Variants in SPAG16 observed in about 807,000 individuals in gnomAD.
The protein encoded by SPAG16 is sperm-associated antigen 16 protein.
A neutral mutation model predicts 80.4 loss-of-function variants in SPAG16; 86 were observed. The ratio of observed to expected loss-of-function variants is 1.07; its 90% CI spans 0.90 to 1.28. SPAG16 has a LOEUF of 1.28. SPAG16 is among the 50% of genes most tolerant of loss of function. The pLI is 0.00. For synonymous variants in SPAG16, 294 were observed against 265.9 expected, an observed-to-expected ratio of 1.11 and a Z score of -1.03; for missense variants, 870 against 765.3, an observed-to-expected ratio of 1.14 and a Z score of -1.61.
At chr2:213,612,004 A>G (rs2125020641) in intron 10 of SPAG16, among the ~76,000 whole-genome samples, 1 of 152,348 alleles carries the variant, frequency 6.6e-6, no homozygotes, top group South Asian at 2.1e-4. Context: ...TAATGACATT[A>G]GTAATAAAAG....
chr2:214,002,673 G>A (rs1163189414), intron 12 of SPAG16, among the ~76,000 whole-genome samples: 1 of 152,112 alleles, frequency 6.6e-6, no homozygotes, highest in Non-Finnish European at 1.5e-5. Context: ...TCTAAGTCCT[G>A]GTCCAAGTTC....
chr2:213,827,071 G>A (rs1009553956), intron 10 of SPAG16, among the ~76,000 whole-genome samples: 3 of 151,762 alleles, frequency 2.0e-5, no homozygotes, highest in African/African-American at 7.3e-5. Flanking sequence ...TTCTTCTTAT[G>A]TGTATCTTTA....
rs567805532 is a variant in SPAG16 at position 214,313,403 on chromosome 2, G to A, written c.1721-96737G>A. On this transcript the variant is annotated intron_variant, in intron 15 of 15. Transcript: ENST00000331683. ...TGTGTCAGAGTGCTCCCAAGGATTC[G>A]ATTACTTTTCATTTTATTCTAGAAT... Among the ~76,000 whole-genome samples the A allele has an allele frequency of 4.6e-5, 7 of 151,930 alleles. No individual in the cohort carries two copies. The South Asian group carries it at 1.0e-3, about 22-fold the overall frequency.
intron 10 of SPAG16, among the ~76,000 whole-genome samples, chr2:213,775,201 C>T (rs774551406): frequency 1.3e-5 from 2 of 152,130 alleles, no homozygotes; most frequent in Non-Finnish European, 2.9e-5. Context: ...TAAAAATTTT[C>T]TTTGCATCCT....
intron 9 of SPAG16, among the ~76,000 whole-genome samples, chr2:213,421,863 C>G (rs2069608782): frequency 6.6e-6 from 1 of 152,132 alleles, no homozygotes; most frequent in African/African-American, 2.4e-5. Flanking sequence ...CAGAAAGGAG[C>G]TACCCACTCT....
chr2:213,763,917 C>T (rs901373461), intron 10 of SPAG16, among the ~76,000 whole-genome samples: 3 of 152,270 alleles, frequency 2.0e-5, no homozygotes, highest in Non-Finnish European at 4.4e-5. Context: ...ATGAGAAGGA[C>T]TAATGAGCGA....
intron 9 of SPAG16, among the ~76,000 whole-genome samples, chr2:213,455,746 C>G (rs1353192114): frequency 6.6e-6 from 1 of 152,184 alleles, no homozygotes; most frequent in African/African-American, 2.4e-5. Context: ...GCTAATTTGA[C>G]AGGAGTCAAA....
intron 9 of SPAG16, among the ~76,000 whole-genome samples, chr2:213,406,770 T>C (rs1318033386): frequency 6.6e-6 from 1 of 151,664 alleles, no homozygotes; most frequent in Non-Finnish European, 1.5e-5. Flanking sequence ...CACCAAAACT[T>C]TATATATAAC....
At chr2:214,028,333 C>T (rs1031205149) in intron 13 of SPAG16, among the ~76,000 whole-genome samples, 4 of 152,010 alleles carry the variant, frequency 2.6e-5, no homozygotes, top group African/African-American at 9.7e-5. Context: ...TTCCTAAAAG[C>T]CACAGAACTC....
intron 10 of SPAG16, among the ~76,000 whole-genome samples, chr2:213,518,609 G>T (rs1401662454): frequency 6.6e-6 from 1 of 152,198 alleles, no homozygotes. Flanking sequence ...AGGCTATGGA[G>T]AAAAGGGAGC....
At chr2:214,124,131 A>G (rs1215657344) in intron 14 of SPAG16, among the ~76,000 whole-genome samples, 1 of 152,072 alleles carries the variant, frequency 6.6e-6, no homozygotes, top group African/African-American at 2.4e-5. Context: ...ACATAGGACC[A>G]TGTTTGCTGT....
At chr2:214,062,344 A>T (rs1272317388) in intron 13 of SPAG16, among the ~76,000 whole-genome samples, 1 of 144,752 alleles carries the variant, frequency 6.9e-6, no homozygotes, top group African/African-American at 2.6e-5. Flanking sequence ...TCTTGAACCC[A>T]GTAGGCAGAG....
intron 15 of SPAG16, among the ~76,000 whole-genome samples, chr2:214,236,763 A>T (rs1469259559): frequency 2.0e-5 from 3 of 152,106 alleles, no homozygotes; most frequent in Non-Finnish European, 4.4e-5. Flanking sequence ...TTAGATCATG[A>T]GGTTTTTAGG....
chr2:214,074,409 A>G (rs2050961819), intron 13 of SPAG16, among the ~76,000 whole-genome samples: 2 of 152,244 alleles, frequency 1.3e-5, no homozygotes, highest in Non-Finnish European at 2.9e-5. Context: ...AATTAATCCT[A>G]GATAAACTAT....
intron 15 of SPAG16, among the ~76,000 whole-genome samples, chr2:214,368,238 C>T (rs954297769): frequency 6.6e-5 from 10 of 152,064 alleles, no homozygotes; most frequent in Admixed American, 5.2e-4. Flanking sequence ...TTCAGATATC[C>T]CATGTTCTTC....
chr2:213,842,225 C>A (rs2074397013), intron 10 of SPAG16, among the ~76,000 whole-genome samples: 1 of 152,084 alleles, frequency 6.6e-6, no homozygotes, highest in Admixed American at 6.5e-5. Context: ...ATTAGTAATA[C>A]AGGCAAGGAA....
chr2:213,790,902 A>T (rs529584874), intron 10 of SPAG16, among the ~76,000 whole-genome samples: 1 of 152,218 alleles, frequency 6.6e-6, no homozygotes, highest in Admixed American at 6.5e-5. Context: ...ACTTTAACTC[A>T]TCATCCAGCT....
chr2:214,361,528 C>G (rs1481839560), intron 15 of SPAG16, among the ~76,000 whole-genome samples: 1 of 151,826 alleles, frequency 6.6e-6, no homozygotes, highest in Non-Finnish European at 1.5e-5. Flanking sequence ...CTCCCTGCAG[C>G]TATCTTTAGG....
intron 10 of SPAG16, among the ~76,000 whole-genome samples, chr2:213,630,665 A>C (rs113098258): frequency 6.6e-6 from 1 of 152,198 alleles, no homozygotes; most frequent in African/African-American, 2.4e-5. Flanking sequence ...AAACATAGAT[A>C]GAAGTAAAAG....
Sources: allele counts gnomAD v4.1 joint callset (sites outside exome capture counted in the v4.1 genomes callset), GRCh38; gene constraint gnomAD v4.1.1; transcripts MANE v1.5; gene names NCBI Gene and HGNC (gene_info 2026-07-23, HGNC 2026-07-21).